The following RNF212 variants were observed in gnomAD, a reference collection of about 807,000 sequenced individuals.
RNF212 encodes ring finger protein 212.
Under a neutral mutation model 34.7 loss-of-function variants are expected in RNF212, and 33 were observed. That is an observed-to-expected ratio of 0.95 (90% CI 0.72 to 1.27). The LOEUF (loss-of-function observed/expected upper bound fraction) is 1.27. Among genes scored for constraint, RNF212 ranks in the 50% most tolerant of loss-of-function variants. The pLI is 0.00. For missense variants in RNF212, 377 were observed against 362.2 expected (o/e 1.04, Z -0.33); for synonymous variants, 140 against 136.1 (o/e 1.03, Z -0.20).
At chr4:1,085,696 C>T in intron 5 of RNF212, 200 bp downstream of exon 5, 1 of 595,426 alleles carries the variant, frequency 1.7e-6, no homozygotes. Context: ...ATCTCTTTTT[C>T]ACTTTTTCTT....
At chr4:1,060,086 C>T (rs1322687740) in intron 3 of RNF212, among the ~76,000 whole-genome samples, 11 of 121,594 alleles carry the variant, frequency 9.0e-5, no homozygotes, top group African/African-American at 2.4e-4. Flanking sequence ...GCAACAAGAG[C>T]GAAACTCCAT....
chr4:1,102,595 A>C lies in RNF212; in HGVS notation c.171+5748T>G, dbSNP rs367624418. Among the ~76,000 whole-genome samples, 4 of 8,210 alleles carry C rather than the reference A, an allele frequency of 4.9e-4. No individual in the cohort carries two copies. In the East Asian group the frequency reaches 0.5, roughly 1,026 times the overall value. The allele number at this position is 8,210 out of a possible 152,430, so 5.4% of individuals were successfully genotyped here. ...ATACAAAAAAAAAACACAAAAAAACAAAAAAAAAACACTTTGGGAGGCTGA... is the reference window on the plus strand; with the variant it reads ...ATACAAAAAAAAAACACAAAAAAACCAAAAAAAAACACTTTGGGAGGCTGA... On this transcript the variant is annotated intron_variant, in intron 2 of 9. Coordinates refer to ENST00000433731, the MANE Select transcript of RNF212 (RefSeq NM_001131034.4).
intron 2 of RNF212, among the ~76,000 whole-genome samples, chr4:1,097,659 T>C (rs1454948291): frequency 6.6e-6 from 1 of 152,046 alleles, no homozygotes; most frequent in Non-Finnish European, 1.5e-5. Context: ...CAGGATGCCC[T>C]GCCTCACCTC....
chr4:1,083,332 T>G (rs1337278317), intron 5 of RNF212, among the ~76,000 whole-genome samples: 1 of 152,176 alleles, frequency 6.6e-6, no homozygotes, highest in African/African-American at 2.4e-5. Context: ...AAATGTTAAC[T>G]GTAATGGACA....
At chr4:1,068,467 C>G (rs1406649367), downstream of RNF212, among the ~76,000 whole-genome samples, 1 of 152,210 alleles carries the variant, frequency 6.6e-6, no homozygotes, top group African/African-American at 2.4e-5. Flanking sequence ...GTCTCATCTT[C>G]TGCTCTACTG....
intron 3 of RNF212, among the ~76,000 whole-genome samples, chr4:1,066,376 T>G (rs1440643764): frequency 6.6e-6 from 1 of 152,234 alleles, no homozygotes; most frequent in Non-Finnish European, 1.5e-5. Context: ...TCACCCAGGC[T>G]GGAGTGCAGT....
At chr4:1,102,441 A>G (rs573763413) in intron 2 of RNF212, among the ~76,000 whole-genome samples, 1 of 152,238 alleles carries the variant, frequency 6.6e-6, no homozygotes, top group African/African-American at 2.4e-5. Context: ...TGACTGGAAA[A>G]ATCTCTATGT....
At chr4:1,075,270 G>A (rs188271143) in intron 8 of RNF212, among the ~76,000 whole-genome samples, 1 of 152,354 alleles carries the variant, frequency 6.6e-6, no homozygotes, top group East Asian at 1.9e-4. Context: ...TTTAACTGGT[G>A]TATTAGGCCA....
intron 2 of RNF212, among the ~76,000 whole-genome samples, chr4:1,104,625 T>G (rs911543538): frequency 1.3e-5 from 2 of 152,146 alleles, no homozygotes; most frequent in African/African-American, 2.4e-5. Flanking sequence ...CCTGGCCTGG[T>G]CTGCCATTCT....
intron 3 of RNF212, among the ~76,000 whole-genome samples, chr4:1,066,333 CTTTTCTT>C (rs1399254364): frequency 1.3e-5 from 2 of 152,000 alleles, no homozygotes; most frequent in Non-Finnish European, 2.9e-5. Context: ...CTGCCCTCCG[CTTTTCTT>C]TTTTCTGAGA....
chr4:1,087,086 G>T, intron 4 of RNF212, among the ~76,000 whole-genome samples: 1 of 9,144 alleles, frequency 1.1e-4, no homozygotes, highest in South Asian at 1.4e-3. Flanking sequence ...GACAGGAGTG[G>T]GGGTGAGAGG....
chr4:1,113,478 C>T lies in RNF212; in HGVS notation c.-14G>A, dbSNP rs1057163196. ...CCAGTTGGCCATGCCAGGCGGGCGA[C>T]CGCAGCGGCGAGGCCGGGCCCACGC... On this transcript the variant is annotated 5_prime_UTR_variant, in exon 1 of 10. Transcript: ENST00000433731. The T allele has an allele frequency of 6.2e-7, 1 of 1,602,550 alleles. No individual in the cohort carries two copies.
At chr4:1,107,032 T>C (rs978956347) in intron 2 of RNF212, among the ~76,000 whole-genome samples, 1 of 152,002 alleles carries the variant, frequency 6.6e-6, no homozygotes, top group Admixed American at 6.6e-5. Flanking sequence ...GTGCCCAAAA[T>C]ATAATGTCAA....
At chr4:1,058,118 G>C (rs371215667) in intron 4 of RNF212, among the ~76,000 whole-genome samples, 1 of 151,804 alleles carries the variant, frequency 6.6e-6, no homozygotes. Flanking sequence ...GACTCAAAGC[G>C]TGTAAAAACA....
At chr4:1,077,035 C>A (rs1414125364) in intron 8 of RNF212, among the ~76,000 whole-genome samples, 2 of 152,208 alleles carry the variant, frequency 1.3e-5, no homozygotes, top group Non-Finnish European at 2.9e-5. Context: ...CGAGACCAGC[C>A]TGACCAATAT....
At chr4:1,103,890 A>G (rs900088885) in intron 2 of RNF212, among the ~76,000 whole-genome samples, 5 of 152,010 alleles carry the variant, frequency 3.3e-5, no homozygotes, top group Admixed American at 2.0e-4. Flanking sequence ...CCAATGCTGT[A>G]AAAAAAAGGA....
intron 3 of RNF212, among the ~76,000 whole-genome samples, chr4:1,095,480 C>T (rs79621814): frequency 0.052 from 715 of 13,624 alleles, 113 homozygotes; most frequent in South Asian, 0.16. Flanking sequence ...CTCGGGATAG[C>T]GCACCTGGCT....
chr4:1,095,244 C>T lies in RNF212; in HGVS notation c.246+1521G>A, dbSNP rs545582503. Among the ~76,000 whole-genome samples the T allele has an allele frequency of 1.5e-4, 14 of 93,042 alleles. 1 individual carries two copies. The highest frequency in any genetic ancestry group is 1.9e-4 in the Admixed American group (2 of 10,464). The allele number at this position is 93,042 out of a possible 152,430, so 61.0% of individuals were successfully genotyped here. A position where few individuals can be genotyped will look rare whatever the true frequency, so the allele number is the denominator to read the frequency against. The stretch of plus-strand genomic sequence containing the variant: ...CCACAGCTCCATGGTCTCGGGATAG[C>T]GCACCTGGCTCATCACGGAACCAAG... On this transcript the variant is annotated intron_variant, in intron 3 of 9. Transcript: ENST00000433731.
intron 2 of RNF212, among the ~76,000 whole-genome samples, chr4:1,107,741 C>G (rs778369567): frequency 2.6e-5 from 4 of 152,208 alleles, no homozygotes; most frequent in African/African-American, 4.8e-5. Context: ...TGAGCCATCA[C>G]GCCCGGCAGG....
Sources: allele counts gnomAD v4.1 joint callset (sites outside exome capture counted in the v4.1 genomes callset), GRCh38; gene constraint gnomAD v4.1.1; transcripts MANE v1.5; gene names NCBI Gene and HGNC (gene_info 2026-07-23, HGNC 2026-07-21).